The following CHL1 variants were observed in gnomAD, a reference collection of about 807,000 sequenced individuals.
The protein encoded by CHL1 is cell adhesion molecule L1 like, also known as neural cell adhesion molecule L1-like protein.
A neutral mutation model predicts 141.9 loss-of-function variants in CHL1; 96 were observed. That is an observed-to-expected ratio of 0.68 (90% CI 0.57 to 0.80). The LOEUF is 0.80. Among genes scored for constraint, CHL1 ranks in the 30% least tolerant of loss-of-function variants. CHL1 has a pLI of 0.00. For missense variants in CHL1, 1,820 were observed against 1,457.2 expected (o/e 1.25, Z -4.05); for synonymous variants, 613 against 502.2 (o/e 1.22, Z -2.95).
chr3:360,163 A>G (rs1704096764), intron 11 of CHL1, 121 bp from the exon 12 acceptor site: 9 of 1,040,544 alleles, frequency 8.6e-6, no homozygotes, highest in Non-Finnish European at 1.2e-5. Flanking sequence ...GGCTTCAATG[A>G]ACTATTAGTC....
chr3:233,823 G>A (rs1431799055), intron 1 of CHL1, among the ~76,000 whole-genome samples: 1 of 151,834 alleles, frequency 6.6e-6, no homozygotes, highest in South Asian at 2.1e-4. Context: ...CTATTATTGG[G>A]CACTTAGGTT....
At chr3:350,707 G>A (rs1703172108) in intron 10 of CHL1, among the ~76,000 whole-genome samples, 2 of 152,026 alleles carry the variant, frequency 1.3e-5, no homozygotes, top group Non-Finnish European at 2.9e-5. Flanking sequence ...GCATTTCCAA[G>A]CCTTCTCCAT....
At chr3:205,745 G>C (rs1404503187) in intron 1 of CHL1, among the ~76,000 whole-genome samples, 1 of 152,210 alleles carries the variant, frequency 6.6e-6, no homozygotes, top group African/African-American at 2.4e-5. Flanking sequence ...TTGTGCTAGA[G>C]ACAGGAATGA....
In CHL1 at chr3:408,968, G is replaced by A. The variant is rs1164623798; in HGVS notation, c.*3257G>A. 1.3e-5 allele frequency: 2 copies of A among 151,854 alleles called. No individual in the cohort carries two copies. The highest frequency in any genetic ancestry group is 2.9e-5 in the Non-Finnish European group (2 of 67,940). The allele number at this position is 151,854 out of a possible 1,614,324, so 9.4% of individuals were successfully genotyped here. ...TCATGGAAGAGATAAGCTAAAGAGGGGACAATAATGAGAAATGTTGGTGTG... is the reference window on the plus strand; with the variant it reads ...TCATGGAAGAGATAAGCTAAAGAGGAGACAATAATGAGAAATGTTGGTGTG... On this transcript the variant is annotated 3_prime_UTR_variant, in exon 28 of 28. Transcript: ENST00000256509.
chr3:378,694 A>G (rs1186515567), intron 16 of CHL1, among the ~76,000 whole-genome samples: 1 of 152,128 alleles, frequency 6.6e-6, no homozygotes, highest in Non-Finnish European at 1.5e-5. Context: ...GGAGTGTTGT[A>G]CTGATTCTCC....
At chr3:401,462 C>G in intron 26 of CHL1, among the ~76,000 whole-genome samples, 164 bp from the exon 27 acceptor site, 1 of 152,088 alleles carries the variant, frequency 6.6e-6, no homozygotes. Flanking sequence ...AACAAAGAAG[C>G]AACTGATGGG....
intron 2 of CHL1, among the ~76,000 whole-genome samples, chr3:284,208 G>C (rs1201335033): frequency 6.6e-6 from 1 of 152,192 alleles, no homozygotes; most frequent in African/African-American, 2.4e-5. Context: ...AGTTATAAGG[G>C]AAAGACAGGG....
intron 2 of CHL1, among the ~76,000 whole-genome samples, chr3:268,931 T>A (rs1013140066): frequency 6.6e-6 from 1 of 152,186 alleles, no homozygotes; most frequent in African/African-American, 2.4e-5. Flanking sequence ...ACTTCCCCAG[T>A]AATTATGAAT....
intron 2 of CHL1, among the ~76,000 whole-genome samples, chr3:285,173 G>T (rs1697019236): frequency 6.6e-6 from 1 of 152,178 alleles, no homozygotes; most frequent in Non-Finnish European, 1.5e-5. Context: ...CTAGATGCTG[G>T]ATCAAGTCAA....
In CHL1 at chr3:361,433, CA is replaced by C. The variant is rs369922505; in HGVS notation, c.1307-264del. 8.7e-3 allele frequency among the ~76,000 whole-genome samples: 1,285 copies of C among 147,484 alleles called. 21 individuals are homozygous for C. Among genetic ancestry groups the C allele is most frequent in the African/African-American group, 0.03 (1,202 of 39,828 alleles). On this transcript the variant is annotated intron_variant, in intron 12 of 27. Transcript: ENST00000256509. The stretch of plus-strand genomic sequence containing the variant: ...GGAAACTACCATCAGAGTGAACAGG[CA>C]ACCTACAAAATGGGAGAAAATTTTT...
chr3:319,291 A>C (rs1001303524), intron 2 of CHL1, among the ~76,000 whole-genome samples: 1 of 151,770 alleles, frequency 6.6e-6, no homozygotes, highest in African/African-American at 2.4e-5. Context: ...TACCTGAGTG[A>C]TGGAATCATG....
intron 2 of CHL1, among the ~76,000 whole-genome samples, chr3:297,127 G>A (rs1698260223): frequency 6.6e-6 from 1 of 152,156 alleles, no homozygotes; most frequent in South Asian, 2.1e-4. Flanking sequence ...TCGGGAGGCA[G>A]AGGTGGGAGG....
At chr3:263,221 T>G (rs566128753) in intron 2 of CHL1, among the ~76,000 whole-genome samples, 2 of 152,244 alleles carry the variant, frequency 1.3e-5, no homozygotes, top group Admixed American at 6.5e-5. Flanking sequence ...CCGAGACTGC[T>G]GGTGATTTAG....
intron 14 of CHL1, among the ~76,000 whole-genome samples, chr3:364,231 C>T (rs1704585907): frequency 6.6e-6 from 1 of 151,926 alleles, no homozygotes; most frequent in Non-Finnish European, 1.5e-5. Context: ...TCTTTCTGTG[C>T]CCTGAGTAAA....
intron 1 of CHL1, among the ~76,000 whole-genome samples, chr3:242,789 G>C (rs1692787650): frequency 6.6e-6 from 1 of 152,114 alleles, no homozygotes; most frequent in Non-Finnish European, 1.5e-5. Context: ...AAGCAGATGA[G>C]AGCTCTGTGG....
intron 2 of CHL1, among the ~76,000 whole-genome samples, chr3:286,119 C>T (rs1388643761): frequency 6.6e-6 from 1 of 152,148 alleles, no homozygotes; most frequent in African/African-American, 2.4e-5. Flanking sequence ...GGCTCCATAG[C>T]CTCCTGTGTA....
intron 2 of CHL1, among the ~76,000 whole-genome samples, chr3:312,298 T>A (rs1036407774): frequency 1.3e-5 from 2 of 152,186 alleles, no homozygotes; most frequent in South Asian, 4.1e-4. Context: ...GAGTTAACAC[T>A]CTAAGCAGTT....
At chr3:341,660 A>G (rs1425519679) in intron 6 of CHL1, among the ~76,000 whole-genome samples, 1 of 152,164 alleles carries the variant, frequency 6.6e-6, no homozygotes. Flanking sequence ...AACAGAGTTT[A>G]CCACTGTTTG....
intron 22 of CHL1, 31 bp from the exon 23 acceptor site, chr3:391,644 G>A (rs776695325): frequency 7.8e-6 from 12 of 1,536,292 alleles, no homozygotes; most frequent in African/African-American, 2.8e-5. Context: ...TCTAATTGAT[G>A]TGAGTTTATT....
Sources: gnomAD v4.1 joint callset for allele counts (sites outside exome capture counted in the v4.1 genomes callset) on GRCh38, gnomAD v4.1.1 for gene constraint, MANE v1.5 for transcripts, NCBI Gene and HGNC (gene_info 2026-07-23, HGNC 2026-07-21) for gene names.